The following DAAM1 variants were observed in gnomAD, a reference collection of about 807,000 sequenced individuals.
DAAM1 encodes dishevelled associated activator of morphogenesis 1.
DAAM1 carries 52 observed loss-of-function variants against 130.0 expected under a neutral mutation model. The ratio of observed to expected loss-of-function variants is 0.40; its 90% CI spans 0.32 to 0.50. The LOEUF is 0.50. Ranked by LOEUF, DAAM1 falls within the 20% of genes least tolerant of loss-of-function variation. The pLI, the probability that DAAM1 is intolerant of heterozygous loss-of-function variation, is 0.61. For missense variants in DAAM1, 1,134 were observed against 1,303.8 expected (o/e 0.87, Z 2.01); for synonymous variants, 452 against 444.5 (o/e 1.02, Z -0.21).
intron 1 of DAAM1, among the ~76,000 whole-genome samples, chr14:59,201,930 G>T (rs17095842): frequency 0.16 from 24,562 of 152,040 alleles, 2,372 homozygotes; most frequent in East Asian, 0.33. Flanking sequence ...TGAACCTAAT[G>T]CTTCTAATAA....
chr14:59,192,081 C>T (rs1203235411), intron 1 of DAAM1, among the ~76,000 whole-genome samples: 2 of 150,600 alleles, frequency 1.3e-5, no homozygotes, highest in South Asian at 2.1e-4. Flanking sequence ...ACAGGAGCTC[C>T]ATGAATAGGT....
At chr14:59,360,925 T>A in intron 22 of DAAM1, 63 bp downstream of exon 22, 1 of 1,462,388 alleles carries the variant, frequency 6.8e-7, no homozygotes, top group Non-Finnish European at 9.5e-7. Flanking sequence ...TGCTGGTGGT[T>A]TTCAGCAGAT....
chr14:59,357,845 G>C (rs1033723884), intron 20 of DAAM1, among the ~76,000 whole-genome samples: 1 of 152,162 alleles, frequency 6.6e-6, no homozygotes, highest in South Asian at 2.1e-4. Context: ...GGCCAAAATT[G>C]TTGGCCACTG....
At chr14:59,345,487 A>C (rs977924456) in intron 16 of DAAM1, among the ~76,000 whole-genome samples, 1 of 152,218 alleles carries the variant, frequency 6.6e-6, no homozygotes, top group Non-Finnish European at 1.5e-5. Context: ...TAGGATTCCC[A>C]AATTTTTTCC....
chr14:59,319,070 T>C (rs1884903341), intron 4 of DAAM1, among the ~76,000 whole-genome samples: 1 of 152,246 alleles, frequency 6.6e-6, no homozygotes, highest in Non-Finnish European at 1.5e-5. Context: ...AGCTATGTCA[T>C]TGGAGATTAA....
intron 1 of DAAM1, among the ~76,000 whole-genome samples, chr14:59,222,656 T>C (rs1037202438): frequency 2.0e-5 from 3 of 152,236 alleles, no homozygotes; most frequent in African/African-American, 4.8e-5. Context: ...CTGGCATCCA[T>C]AGAATAGGTC....
chr14:59,201,780 C>T lies in DAAM1; in HGVS notation c.-38+13012C>T, dbSNP rs561861089. On this transcript the variant is annotated intron_variant, in intron 1 of 24. Coordinates refer to ENST00000360909, the MANE Select transcript of DAAM1 (RefSeq NM_001270520.2). ...CTCTACTCCAGCTTGGGCAACAGTG[C>T]GAGATACTGTCTCAAAAAAAAAAAA... Among the ~76,000 whole-genome samples the T allele has an allele frequency of 1.8e-4, 26 of 141,526 alleles. 1 individual carries two copies. In the South Asian group the frequency reaches 3.1e-3, roughly 17 times the overall value. The allele number at this position is 141,526 out of a possible 152,430, so 92.8% of individuals were successfully genotyped here. A position where few individuals can be genotyped will look rare whatever the true frequency, so the allele number is the denominator to read the frequency against.
At chr14:59,266,789 G>T (rs983158876) in intron 2 of DAAM1, among the ~76,000 whole-genome samples, 1 of 152,188 alleles carries the variant, frequency 6.6e-6, no homozygotes, top group East Asian at 1.9e-4. Flanking sequence ...CTGGTACAGC[G>T]GAGGGAGGCC....
intron 12 of DAAM1, 51 bp downstream of exon 12, chr14:59,327,042 C>T (rs1885230941): frequency 1.3e-6 from 2 of 1,595,300 alleles, no homozygotes; most frequent in Non-Finnish European, 1.7e-6. Context: ...ATTGGGTGAC[C>T]TTGATTTCCA....
chr14:59,197,209 C>T lies in DAAM1; in HGVS notation c.-38+8441C>T, dbSNP rs183918311. On this transcript the variant is annotated intron_variant, in intron 1 of 24. Transcript: ENST00000360909. ...TGCTGGGATTACAGGCGTGAGCCAC[C>T]GCGGGAATTATTTTTTCAAATGCAA... Among the ~76,000 whole-genome samples the T allele has an allele frequency of 7.9e-5, 12 of 152,260 alleles. No homozygotes were observed. The East Asian group carries it at 1.7e-3, about 22-fold the overall frequency.
chr14:59,302,796 G>A (rs1884223929), intron 3 of DAAM1, among the ~76,000 whole-genome samples: 1 of 152,140 alleles, frequency 6.6e-6, no homozygotes, highest in African/African-American at 2.4e-5. Flanking sequence ...TGGGATTACA[G>A]GTGTCCATCA....
Position 59,367,297 on chromosome 14 carries a change from A to AATACTCC in DAAM1, c.2827-131_2827-130insTACTCCA, listed in dbSNP as rs1886956542. ...CGAAACTCCATCTCCAAAAGAAAGA[A>AATACTCC]AGAAATAAAAATAAATGAGCAAACA... On this transcript the variant is annotated intron_variant, in intron 23 of 24. Coordinates refer to ENST00000360909, the MANE Select transcript of DAAM1 (RefSeq NM_001270520.2). 2.8e-6 allele frequency: 4 copies of AATACTCC among 1,407,332 alleles called. No homozygotes were observed. In the South Asian group the frequency reaches 6.6e-5, roughly 23 times the overall value. The allele number at this position is 1,407,332 out of a possible 1,614,324, so 87.2% of individuals were successfully genotyped here.
rs147707671 is a variant in DAAM1, at chr14:59,290,686, A to T, written c.184-531A>T. On this transcript the variant is annotated intron_variant, in intron 2 of 24. Coordinates refer to ENST00000360909, the MANE Select transcript of DAAM1 (RefSeq NM_001270520.2). ...TACCTCTCCAGCCTTTAAACTGATG[A>T]TCCTTTGCAGAAACCCAGTGCTTCC... is the stretch of plus-strand genomic sequence containing the variant. Among the ~76,000 whole-genome samples, 732 of 152,206 alleles carry T rather than the reference A, an allele frequency of 4.8e-3. 9 individuals carry two copies. Among genetic ancestry groups the T allele is most frequent in the African/African-American group, 0.016 (680 of 41,526 alleles).
Position 59,356,025 on chromosome 14 carries a change from G to T in DAAM1, c.2525+692G>T, listed in dbSNP as rs545035629. On this transcript the variant is annotated intron_variant, in intron 20 of 24. Coordinates refer to ENST00000360909, the MANE Select transcript of DAAM1 (RefSeq NM_001270520.2). ...TTTAGGTGAACAGATTCTCATTAAA[G>T]ACACCAAGATGTGAAAACGTTCTTG... is the stretch of plus-strand genomic sequence containing the variant. Among the ~76,000 whole-genome samples, 3 of 152,284 alleles carry T rather than the reference G, an allele frequency of 2.0e-5. No individual in the cohort carries two copies. The South Asian group carries it at 6.2e-4, about 32-fold the overall frequency.
In DAAM1 at chr14:59,368,991, GTGTATGTAAATGTA is replaced by G; in HGVS notation, c.*136_*149del. ...CATCTGTGAGTGAATGTGTGAACGT[GTGTATGTAAATGTA>G]TGTGTGTATATATTAAAAAATGTAT... On this transcript the variant is annotated 3_prime_UTR_variant, in exon 25 of 25. Coordinates refer to ENST00000360909, the MANE Select transcript of DAAM1 (RefSeq NM_001270520.2). 1.4e-6 allele frequency: 1 copy of G among 740,320 alleles called. No homozygotes were observed. The allele number at this position is 740,320 out of a possible 1,614,324, so 45.9% of individuals were successfully genotyped here.
chr14:59,196,576 T>C (rs569096212), intron 1 of DAAM1, among the ~76,000 whole-genome samples: 5 of 152,184 alleles, frequency 3.3e-5, no homozygotes, highest in African/African-American at 9.6e-5. Flanking sequence ...ACCCCATCTC[T>C]ACTAAAATTA....
chr14:59,353,655 T>G (rs1350322361), intron 18 of DAAM1, among the ~76,000 whole-genome samples: 15 of 152,190 alleles, frequency 9.9e-5, no homozygotes, highest in Admixed American at 9.8e-4. Flanking sequence ...TCTGCTGCAG[T>G]TGGCCAAGTA....
Position 59,263,668 on chromosome 14 carries a change from C to T in DAAM1, c.183+8C>T. On this transcript the variant is annotated splice_region_variant and intron_variant, in intron 2 of 24. Transcript: ENST00000360909. ...ATGTTCAGTGAACTGGTGGTGAGTC[C>T]CAGTTTTCTATCCTGGCATTGGTGG... 6.2e-7 allele frequency: 1 copy of T among 1,613,554 alleles called. No individual in the cohort carries two copies. Among genetic ancestry groups the T allele is most frequent in the Non-Finnish European group, 8.5e-7 (1 of 1,179,776 alleles).
At position 59,331,437 on chromosome 14, in the gene DAAM1, G is replaced by A. The variant is rs779426886; in HGVS notation, c.1789G>A (p.Ala597Thr). The change falls in exon 14 of 25, where the codon GCA (alanine) becomes ACA (threonine). Residue 597 changes from alanine to threonine, a missense_variant. Ala to Thr is a moderately conservative substitution (Grantham distance 58, BLOSUM62 0). Coordinates refer to ENST00000360909, the MANE Select transcript of DAAM1 (RefSeq NM_001270520.2). ...ACCTCCTGGTGCTCCAATGGGCCTA[G>A]CACTGAAGAAGAAAAGCATTCCTCA... Reference protein sequence around the residue: ...MPPPGAPMGLALKKKSIPQPT... With the variant: ...MPPPGAPMGLTLKKKSIPQPT... 1 of 1,613,808 alleles carries A rather than the reference G, an allele frequency of 6.2e-7. No individual in the cohort carries two copies. The highest frequency in any genetic ancestry group is 1.7e-5 in the Admixed American group (1 of 59,992).
Sources: gnomAD v4.1 joint callset for allele counts (sites outside exome capture counted in the v4.1 genomes callset) on GRCh38, gnomAD v4.1.1 for gene constraint, MANE v1.5 for transcripts, NCBI Gene and HGNC (gene_info 2026-07-23, HGNC 2026-07-21) for gene names.